NMNAT2: variants seen among roughly 807,000 people sequenced by gnomAD.
The protein encoded by NMNAT2 is nicotinamide/nicotinic acid mononucleotide adenylyltransferase 2.
Under a neutral mutation model 41.6 loss-of-function variants are expected in NMNAT2, and 11 were observed. The observed-to-expected ratio is 0.26, with a 90% confidence interval of 0.17 to 0.44. The LOEUF is 0.44. NMNAT2 is among the 20% of genes least tolerant of loss of function. The probability of loss-of-function intolerance (pLI) is 1.00; values close to 1 mark genes in which losing one functional copy is unlikely to be tolerated. For synonymous variants in NMNAT2, 148 were observed against 151.2 expected, an observed-to-expected ratio of 0.98 and a Z score of 0.16; for missense variants, 288 against 407.7, an observed-to-expected ratio of 0.71 and a Z score of 2.53.
chr1:183,370,217 AACACATACAC>A (rs1663502121), intron 1 of NMNAT2, among the ~76,000 whole-genome samples: 1 of 89,414 alleles, frequency 1.1e-5, no homozygotes, highest in Non-Finnish European at 2.3e-5. Context: ...CACTACTATC[AACACATACAC>A]ACACACACAC....
At chr1:183,382,841 G>GGCT (rs2101916795) in intron 1 of NMNAT2, among the ~76,000 whole-genome samples, 1 of 152,278 alleles carries the variant, frequency 6.6e-6, no homozygotes, top group South Asian at 2.1e-4. Context: ...TGCTTTCATA[G>GGCT]GCTGGTGTTG....
At chr1:183,379,047 AATATCTATATCT>A (rs71127348) in intron 1 of NMNAT2, among the ~76,000 whole-genome samples, 24 of 139,842 alleles carry the variant, frequency 1.7e-4, no homozygotes, top group African/African-American at 5.2e-4. Flanking sequence ...TGTCTCAAAA[AATATCTATATCT>A]ATATCTATAT....
chr1:183,307,958 G>A (rs1382834691), intron 1 of NMNAT2, among the ~76,000 whole-genome samples: 2 of 152,140 alleles, frequency 1.3e-5, no homozygotes, highest in African/African-American at 4.8e-5. Flanking sequence ...AGATTTCGAC[G>A]GACTTTAGTG....
At chr1:183,322,995 G>A (rs957035806) in intron 1 of NMNAT2, among the ~76,000 whole-genome samples, 7 of 152,192 alleles carry the variant, frequency 4.6e-5, no homozygotes, top group East Asian at 3.9e-4. Context: ...GCAGTGGCGC[G>A]ATTTCGGCTC....
chr1:183,261,347 A>T (rs763741718), intron 8 of NMNAT2, 44 bp from the exon 9 acceptor site: 2 of 1,518,506 alleles, frequency 1.3e-6, no homozygotes, highest in African/African-American at 2.8e-5. Context: ...CCCTGATCCC[A>T]AACTCCTACC....
At chr1:183,259,197 G>A (rs1291609588) in intron 10 of NMNAT2, among the ~76,000 whole-genome samples, 1 of 152,122 alleles carries the variant, frequency 6.6e-6, no homozygotes, top group Non-Finnish European at 1.5e-5. Context: ...AGTGGGACTG[G>A]GCAGGACACA....
At chr1:183,329,432 C>T (rs1662534648) in intron 1 of NMNAT2, among the ~76,000 whole-genome samples, 1 of 152,170 alleles carries the variant, frequency 6.6e-6, no homozygotes, top group Non-Finnish European at 1.5e-5. Context: ...GTACATTCCT[C>T]CAAGTCATTC....
At chr1:183,284,940 A>G (rs1661366351) in intron 5 of NMNAT2, 150 bp from the exon 6 acceptor site, 1 of 644,574 alleles carries the variant, frequency 1.6e-6, no homozygotes, top group South Asian at 1.8e-5. Flanking sequence ...GAGGGTAGAG[A>G]GAAAGAACAG....
chr1:183,301,249 T>C (rs1661843167), intron 1 of NMNAT2, among the ~76,000 whole-genome samples: 1 of 152,184 alleles, frequency 6.6e-6, no homozygotes, highest in Non-Finnish European at 1.5e-5. Context: ...AGGCTGCAGG[T>C]CTGCAGATTA....
At chr1:183,293,216 T>G (rs1404365130) in intron 2 of NMNAT2, among the ~76,000 whole-genome samples, 1 of 152,106 alleles carries the variant, frequency 6.6e-6, no homozygotes, top group African/African-American at 2.4e-5. Context: ...CCCACCAAGG[T>G]GCATCTGTGG....
chr1:183,306,694 C>T (rs1661999471), intron 1 of NMNAT2, among the ~76,000 whole-genome samples: 1 of 152,172 alleles, frequency 6.6e-6, no homozygotes, highest in African/African-American at 2.4e-5. Flanking sequence ...AAGAAATGCA[C>T]AATAACCTAC....
At chr1:183,283,015 G>C (rs1661307795) in intron 7 of NMNAT2, 1 of 152,098 alleles carries the variant, frequency 6.6e-6, no homozygotes, top group African/African-American at 2.4e-5. Context: ...CCAATTCAGG[G>C]ACACCACTGC....
intron 1 of NMNAT2, among the ~76,000 whole-genome samples, chr1:183,359,563 A>T (rs1663263097): frequency 6.6e-6 from 1 of 152,150 alleles, no homozygotes; most frequent in African/African-American, 2.4e-5. Context: ...CTCCTTCTCT[A>T]TGCGAGGTTG....
At chr1:183,381,835 G>T (rs1223026707) in intron 1 of NMNAT2, among the ~76,000 whole-genome samples, 1 of 152,094 alleles carries the variant, frequency 6.6e-6, no homozygotes, top group African/African-American at 2.4e-5. Flanking sequence ...TATGAGTTAC[G>T]AATTATTATA....
chr1:183,315,021 C>T (rs925537733), intron 1 of NMNAT2, among the ~76,000 whole-genome samples: 1 of 152,188 alleles, frequency 6.6e-6, no homozygotes, highest in Non-Finnish European at 1.5e-5. Context: ...GCTAGTTTTG[C>T]GAAAGTACGT....
chr1:183,292,741 C>T, intron 3 of NMNAT2, 49 bp downstream of exon 3: 1 of 1,547,408 alleles, frequency 6.5e-7, no homozygotes, highest in South Asian at 1.1e-5. Flanking sequence ...CACCCCACTC[C>T]CAGTAAGTCT....
intron 1 of NMNAT2, among the ~76,000 whole-genome samples, chr1:183,383,909 C>T (rs1383797355): frequency 1.3e-5 from 2 of 152,214 alleles, no homozygotes; most frequent in East Asian, 1.9e-4. Flanking sequence ...CAGACTTTGC[C>T]TGTTGCCCAG....
chr1:183,380,506 A>T (rs1254954393), intron 1 of NMNAT2, among the ~76,000 whole-genome samples: 1 of 152,228 alleles, frequency 6.6e-6, no homozygotes, highest in East Asian at 1.9e-4. Flanking sequence ...AAATAAGTAA[A>T]CATAAATATC....
chr1:183,283,449 C>CT (rs2102301386), intron 7 of NMNAT2: 1 of 159,888 alleles, frequency 6.3e-6, no homozygotes, highest in African/African-American at 2.4e-5. Context: ...TCTTCCCACC[C>CT]TGACAGCTGT....
Sources: gnomAD v4.1 joint callset for allele counts (sites outside exome capture counted in the v4.1 genomes callset) on GRCh38, gnomAD v4.1.1 for gene constraint, MANE v1.5 for transcripts, NCBI Gene and HGNC (gene_info 2026-07-23, HGNC 2026-07-21) for gene names.